The following SNURF variants were observed in gnomAD, a reference collection of about 807,000 sequenced individuals.
The protein encoded by SNURF is SNURF protein.
In SNURF, 6 loss-of-function variants were observed where a neutral mutation model predicts 11.6. That is an observed-to-expected ratio of 0.52 (90% CI 0.28 to 1.02). The LOEUF (loss-of-function observed/expected upper bound fraction) is 1.02. Ranked by LOEUF, SNURF falls within the 50% of genes least tolerant of loss-of-function variation. The probability of loss-of-function intolerance (pLI) is 0.09; values close to 1 mark genes in which losing one functional copy is unlikely to be tolerated. For synonymous variants in SNURF, 29 were observed against 31.6 expected, an observed-to-expected ratio of 0.92 and a Z score of 0.27; for missense variants, 84 against 88.4, an observed-to-expected ratio of 0.95 and a Z score of 0.20.
chr15:24,960,063 G>A (rs1341011203), intron 1 of SNURF, among the ~76,000 whole-genome samples: 1 of 151,946 alleles, frequency 6.6e-6, no homozygotes, highest in Admixed American at 6.6e-5. Context: ...GCAGGAGCTC[G>A]ACATCAGCCT....
chr15:24,962,118 C>T (rs776280755), exon 2 of SNURF: 17 of 1,613,922 alleles, frequency 1.1e-5, no homozygotes, highest in East Asian at 2.2e-5. Context: ...TTTCAGGGAT[C>T]GCTTACACCT....
chr15:24,961,605 C>G (rs1042142165), intron 1 of SNURF, among the ~76,000 whole-genome samples: 1 of 152,008 alleles, frequency 6.6e-6, no homozygotes, highest in Non-Finnish European at 1.5e-5. Flanking sequence ...AGCAGCTCTT[C>G]TATTGCTTTG....
rs774436737 is a variant in SNURF, at chr15:24,964,112, C to G, written c.110+1903C>G. ...GGTAAAGATTTTTTTTTTATTTTTT[C>G]CTATTTATTTTGCCGATTTTTACTA... On this transcript the variant is annotated intron_variant, in intron 2 of 2. Transcript: ENST00000577949. 1.4e-4 allele frequency among the ~76,000 whole-genome samples: 21 copies of G among 150,044 alleles called. No individual in the cohort carries two copies. In the Middle Eastern group the frequency reaches 0.01, roughly 73 times the overall value.
chr15:24,970,245 A>G (rs1451788199), downstream of SNURF, among the ~76,000 whole-genome samples: 1 of 152,172 alleles, frequency 6.6e-6, no homozygotes, highest in Non-Finnish European at 1.5e-5. Flanking sequence ...GTTTTCATTA[A>G]AAATGTAAGG....
intron 1 of SNURF, among the ~76,000 whole-genome samples, chr15:24,959,277 C>A (rs547380011): frequency 1.3e-5 from 2 of 151,952 alleles, no homozygotes; most frequent in South Asian, 2.1e-4. Context: ...CTAGAACATT[C>A]AATAAAGTAG....
chr15:24,970,467 TAC>T (rs2076260463), downstream of SNURF, among the ~76,000 whole-genome samples: 1 of 152,004 alleles, frequency 6.6e-6, no homozygotes, highest in Non-Finnish European at 1.5e-5. Context: ...TAATCCCAGC[TAC>T]TCGGGAGGCT....
chr15:24,966,006 A>T (rs1192606273), intron 2 of SNURF, among the ~76,000 whole-genome samples: 1 of 152,018 alleles, frequency 6.6e-6, no homozygotes, highest in East Asian at 2.0e-4. Context: ...TATGAATTAG[A>T]GTATAAAGTA....
intron 2 of SNURF, 61 bp from the exon 3 acceptor site, chr15:24,967,871 A>G (rs1277537689): frequency 2.2e-5 from 30 of 1,370,300 alleles, no homozygotes; most frequent in Non-Finnish European, 3.0e-5. Context: ...TTTCTTTCAT[A>G]TGGTTTCCTA....
chr15:24,963,184 T>C (rs752513798), intron 2 of SNURF, among the ~76,000 whole-genome samples: 14 of 152,226 alleles, frequency 9.2e-5, no homozygotes, highest in South Asian at 4.1e-4. Flanking sequence ...TCTTTTCATA[T>C]CAGTACACAT....
intron 1 of SNURF, among the ~76,000 whole-genome samples, chr15:24,956,267 T>G (rs1488130686): frequency 1.3e-5 from 2 of 150,066 alleles, no homozygotes; most frequent in Admixed American, 6.7e-5. Context: ...CGAAATAACC[T>G]GGGGGTCTGT....
At chr15:24,978,393 T>G, downstream of SNURF, 1 of 1,614,140 alleles carries the variant, frequency 6.2e-7, no homozygotes, top group Non-Finnish European at 8.5e-7. Context: ...TCAATGTTTC[T>G]ATTTCCTTTC....
chr15:24,971,251 C>T (rs1216176397), downstream of SNURF, among the ~76,000 whole-genome samples: 2 of 152,328 alleles, frequency 1.3e-5, no homozygotes, highest in South Asian at 2.1e-4. Context: ...TACACTATGA[C>T]TGCTCATCCA....
At chr15:24,966,838 C>G (rs903327297) in intron 2 of SNURF, among the ~76,000 whole-genome samples, 10 of 152,096 alleles carry the variant, frequency 6.6e-5, no homozygotes, top group African/African-American at 2.2e-4. Context: ...TTGGTGATCC[C>G]CCAGCTCCTC....
chr15:24,955,192 T>G (rs1566948827), intron 1 of SNURF, 130 bp downstream of exon 1: 5 of 1,251,960 alleles, frequency 4.0e-6, no homozygotes, highest in Non-Finnish European at 5.7e-6. Flanking sequence ...TCCTTTGTTC[T>G]GGAGAACCAG....
intron 1 of SNURF, among the ~76,000 whole-genome samples, chr15:24,957,737 CT>C (rs145539244): frequency 1.1e-4 from 16 of 151,954 alleles, no homozygotes; most frequent in Middle Eastern, 6.8e-3. Flanking sequence ...ATAATTTACC[CT>C]TTTTTTTCTG....
downstream of SNURF, among the ~76,000 whole-genome samples, chr15:24,973,027 A>G (rs976913631): frequency 3.9e-5 from 6 of 152,042 alleles, no homozygotes; most frequent in African/African-American, 1.4e-4. Context: ...AGCTGGGATT[A>G]CAGGCGCCTG....
chr15:24,973,458 C>T (rs1422114072), downstream of SNURF, among the ~76,000 whole-genome samples: 3 of 151,628 alleles, frequency 2.0e-5, no homozygotes, highest in East Asian at 2.0e-4. Context: ...AGTGCAGTGG[C>T]GCGATCTCAG....
chr15:24,971,501 A>G (rs1362790675), downstream of SNURF, among the ~76,000 whole-genome samples: 2 of 151,918 alleles, frequency 1.3e-5, no homozygotes, highest in Admixed American at 6.6e-5. Flanking sequence ...AGTAAAACAT[A>G]TATCTCTTCT....
At chr15:24,978,530 T>G (rs1374469810), downstream of SNURF, 2 of 1,144,800 alleles carry the variant, frequency 1.7e-6, no homozygotes, top group African/African-American at 3.0e-5. Flanking sequence ...TTTTGTTCCC[T>G]CATTCTGCAT....
Sources: allele counts gnomAD v4.1 joint callset (sites outside exome capture counted in the v4.1 genomes callset), GRCh38; gene constraint gnomAD v4.1.1; transcripts MANE v1.5; gene names NCBI Gene and HGNC (gene_info 2026-07-23, HGNC 2026-07-21).